PCDHA12: variants seen among roughly 807,000 people sequenced by gnomAD.
PCDHA12 encodes the protein protocadherin alpha 12.
A neutral mutation model predicts 60.0 loss-of-function variants in PCDHA12; 44 were observed. That is an observed-to-expected ratio of 0.73 (90% CI 0.58 to 0.94). PCDHA12 has a LOEUF of 0.94. Among genes scored for constraint, PCDHA12 ranks in the 40% least tolerant of loss-of-function variants. The pLI, the probability that PCDHA12 is intolerant of heterozygous loss-of-function variation, is 0.00. For missense variants in PCDHA12, 1,276 were observed against 1,239.7 expected (o/e 1.03, Z -0.44); for synonymous variants, 569 against 553.0 (o/e 1.03, Z -0.40).
At chr5:140,929,015 A>C (rs1563111690) in intron 1 of PCDHA12, 3 of 1,614,016 alleles carry the variant, frequency 1.9e-6, no homozygotes, top group African/African-American at 1.3e-5. Flanking sequence ...ACCAAGTTGC[A>C]CCAGAGCCCA....
chr5:140,941,347 T>C (rs246069), intron 1 of PCDHA12, among the ~76,000 whole-genome samples: 97,460 of 130,222 alleles, frequency 0.75, 37,726 homozygotes, highest in African/African-American at 0.94. Context: ...GATGGAGTCT[T>C]GCTCTGTTGC....
At chr5:140,958,326 A>T (rs1440413634) in intron 1 of PCDHA12, among the ~76,000 whole-genome samples, 1 of 152,150 alleles carries the variant, frequency 6.6e-6, no homozygotes, top group Non-Finnish European at 1.5e-5. Flanking sequence ...CTCAAAAAAT[A>T]AATAAATCAC....
intron 1 of PCDHA12, among the ~76,000 whole-genome samples, chr5:140,892,282 ACTT>A (rs1405766060): frequency 1.3e-5 from 2 of 152,178 alleles, no homozygotes; most frequent in African/African-American, 4.8e-5. Flanking sequence ...TGTATTAAAC[ACTT>A]CTTCCTGGAA....
chr5:140,906,262 A>AAT (rs2072503500), intron 1 of PCDHA12, among the ~76,000 whole-genome samples: 2 of 152,306 alleles, frequency 1.3e-5, no homozygotes, highest in African/African-American at 4.8e-5. Flanking sequence ...CACCTCCTGA[A>AAT]ATTATAGATA....
At chr5:140,878,110 AC>A (rs1554170303) in intron 1 of PCDHA12, 1 of 249,146 alleles carries the variant, frequency 4.0e-6, no homozygotes, top group African/African-American at 2.3e-5. Context: ...CTTGAAAAAA[AC>A]AGTATATTAG....
At chr5:140,971,370 G>C (rs2096473492) in intron 1 of PCDHA12, among the ~76,000 whole-genome samples, 3 of 152,194 alleles carry the variant, frequency 2.0e-5, no homozygotes, top group African/African-American at 7.2e-5. Flanking sequence ...CCAGGAGAGT[G>C]CATGACTTTA....
chr5:140,902,526 T>C (rs1388582391), intron 1 of PCDHA12, among the ~76,000 whole-genome samples: 1 of 152,140 alleles, frequency 6.6e-6, no homozygotes, highest in African/African-American at 2.4e-5. Flanking sequence ...GTTTTTATTA[T>C]GTTGAGGTAT....
At chr5:140,962,928 A>G (rs1447478531) in intron 1 of PCDHA12, among the ~76,000 whole-genome samples, 5 of 152,186 alleles carry the variant, frequency 3.3e-5, no homozygotes, top group African/African-American at 1.2e-4. Flanking sequence ...GATACTTCTC[A>G]ACCTCCTCTC....
At chr5:140,941,210 T>TCTTC (rs1480454721) in intron 1 of PCDHA12, among the ~76,000 whole-genome samples, 3 of 100,630 alleles carry the variant, frequency 3.0e-5, no homozygotes, top group Non-Finnish European at 5.7e-5. Context: ...TTCCTTTCTT[T>TCTTC]CTTCCTTTCT....
intron 1 of PCDHA12, chr5:140,967,549 T>C (rs781838911): frequency 6.2e-7 from 1 of 1,614,012 alleles, no homozygotes; most frequent in Non-Finnish European, 8.5e-7. Flanking sequence ...ACCAGTCCAC[T>C]TATCGCGTCC....
chr5:140,922,093 C>T (rs1037802949), intron 1 of PCDHA12, among the ~76,000 whole-genome samples: 6 of 151,986 alleles, frequency 3.9e-5, no homozygotes, highest in Middle Eastern at 3.4e-3. Flanking sequence ...GTATTTCTAC[C>T]AACTATAGAT....
intron 3 of PCDHA12, among the ~76,000 whole-genome samples, chr5:140,990,715 A>T (rs927680875): frequency 1.3e-5 from 2 of 152,194 alleles, no homozygotes; most frequent in Admixed American, 6.5e-5. Flanking sequence ...GGATAAGAGC[A>T]TCACTAGGTA....
At position 140,876,635 on chromosome 5, in the gene PCDHA12, C is replaced by T. The variant is rs1554168754; in HGVS notation, c.1163C>T (p.Ser388Leu). Residue 388 changes from serine (S) to leucine (L), a missense_variant, in exon 1 of 4, where the codon TCA becomes TTA. Ser to Leu is a moderately radical substitution (Grantham distance 145, BLOSUM62 -2). Transcript: ENST00000398631. ...GGAGCCAATGGACAGGTCATCTGCT[C>T]ACTGACACCTCATGTTCCCTTCAAG... is the stretch of plus-strand genomic sequence containing the variant. Reference protein sequence around the residue: ...DSGANGQVICSLTPHVPFKLV... With the variant: ...DSGANGQVICLLTPHVPFKLV... The T allele has an allele frequency of 6.2e-7, 1 of 1,614,208 alleles. No individual in the cohort carries two copies. The highest frequency in any genetic ancestry group is 2.2e-5 in the East Asian group (1 of 44,874).
chr5:140,961,510 T>C (rs1201672141), intron 1 of PCDHA12, among the ~76,000 whole-genome samples: 1 of 152,246 alleles, frequency 6.6e-6, no homozygotes, highest in Non-Finnish European at 1.5e-5. Context: ...CTTTGTTTAA[T>C]GTCTCCACAA....
intron 1 of PCDHA12, among the ~76,000 whole-genome samples, chr5:140,945,198 C>T (rs1563212846): frequency 6.6e-6 from 1 of 151,982 alleles, no homozygotes; most frequent in Non-Finnish European, 1.5e-5. Flanking sequence ...ATGCTATTTA[C>T]AATAGCTATG....
chr5:140,967,460 G>A, intron 1 of PCDHA12: 1 of 1,613,538 alleles, frequency 6.2e-7, no homozygotes, highest in Non-Finnish European at 8.5e-7. Context: ...AGCCGTGGAT[G>A]GGGGCATCCC....
At chr5:140,980,149 A>G (rs1287895980) in intron 2 of PCDHA12, among the ~76,000 whole-genome samples, 1 of 152,184 alleles carries the variant, frequency 6.6e-6, no homozygotes, top group East Asian at 1.9e-4. Flanking sequence ...ATTCATGCAT[A>G]TACCAGAATA....
intron 1 of PCDHA12, among the ~76,000 whole-genome samples, chr5:140,898,932 A>G (rs1330684874): frequency 6.6e-6 from 1 of 151,964 alleles, no homozygotes; most frequent in Admixed American, 6.6e-5. Flanking sequence ...ATTCCTAAGT[A>G]TTTTATTCTC....
intron 1 of PCDHA12, chr5:140,928,999 G>C: frequency 1.2e-6 from 2 of 1,613,936 alleles, no homozygotes; most frequent in Non-Finnish European, 1.7e-6. Context: ...ACTTTTCTTC[G>C]TGTGTACCAA....
Sources: allele counts gnomAD v4.1 joint callset (sites outside exome capture counted in the v4.1 genomes callset), GRCh38; gene constraint gnomAD v4.1.1; transcripts MANE v1.5; gene names NCBI Gene and HGNC (gene_info 2026-07-23, HGNC 2026-07-21).